Variants in THBS2 observed in about 807,000 individuals in gnomAD.
The protein encoded by THBS2 is thrombospondin-2.
A neutral mutation model predicts 135.2 loss-of-function variants in THBS2; 47 were observed. The ratio of observed to expected loss-of-function variants is 0.35; its 90% CI spans 0.28 to 0.44. The LOEUF is 0.44. Ranked by LOEUF, THBS2 falls within the 20% of genes least tolerant of loss-of-function variation. THBS2 has a pLI of 1.00. For synonymous variants in THBS2, 639 were observed against 633.8 expected, an observed-to-expected ratio of 1.01 and a Z score of -0.12; for missense variants, 1,288 against 1,603.1, an observed-to-expected ratio of 0.80 and a Z score of 3.36.
intron 17 of THBS2, among the ~76,000 whole-genome samples, chr6:169,224,496 T>G (rs1051216596): frequency 1.3e-5 from 2 of 151,870 alleles, no homozygotes; most frequent in African/African-American, 4.8e-5. Context: ...AGTCCTTATC[T>G]CCCTCTGTCA....
chr6:169,232,338 G>C (rs1779868696), intron 12 of THBS2, 140 bp from the exon 13 acceptor site: 2 of 957,916 alleles, frequency 2.1e-6, no homozygotes, highest in Non-Finnish European at 3.2e-6. Flanking sequence ...GGGCTTTCTG[G>C]ACACGCACTT....
intron 15 of THBS2, 23 bp downstream of exon 15, chr6:169,228,099 T>C (rs1583408250): frequency 1.3e-6 from 2 of 1,561,916 alleles, no homozygotes; most frequent in Non-Finnish European, 1.7e-6. Flanking sequence ...AGTGCACGCA[T>C]GGGAAGGAGC....
intron 2 of THBS2, 140 bp from the exon 3 acceptor site, chr6:169,249,113 T>C: frequency 1.2e-6 from 1 of 841,794 alleles, no homozygotes; most frequent in East Asian, 2.7e-5. Context: ...CTCCCTTTTT[T>C]ATGGGAATCC....
chr6:169,241,018 C>CTGCCG lies in THBS2; in HGVS notation c.892-427_892-426insCGGCA, dbSNP rs2115016131. Among the ~76,000 whole-genome samples the CTGCCG allele has an allele frequency of 1.3e-5, 2 of 148,978 alleles. No individual in the cohort carries two copies. Among genetic ancestry groups the CTGCCG allele is most frequent in the African/African-American group, 5.1e-5 (2 of 39,248 alleles). On this transcript the variant is annotated intron_variant, in intron 5 of 21. Coordinates refer to ENST00000617924, the MANE Select transcript of THBS2 (RefSeq NM_003247.5). The surrounding 1 kb of genome is among the most constrained non-coding windows in gnomAD (Gnocchi z 5.5). The stretch of plus-strand genomic sequence containing the variant: ...CCTGCCCCGGTCTCCTGCCATCGAC[C>CTGCCG]CCCTCCCTGCCCCAGGCTCCTGCCC...
intron 15 of THBS2, among the ~76,000 whole-genome samples, chr6:169,226,726 ATATCT>A (rs780891572): frequency 7.2e-5 from 11 of 152,254 alleles, no homozygotes; most frequent in Non-Finnish European, 1.5e-4. Context: ...TTTAGATGTC[ATATCT>A]TATCTTAAGA....
chr6:169,223,080 C>CCTGT (rs1404625318), intron 18 of THBS2, among the ~76,000 whole-genome samples, 168 bp downstream of exon 18: 7 of 152,110 alleles, frequency 4.6e-5, no homozygotes, highest in African/African-American at 7.2e-5. Flanking sequence ...GGTGCATGTA[C>CCTGT]CTGTCAAGGT....
Position 169,232,643 on chromosome 6 carries a change from AG to A in THBS2, c.1932+20del. 6.3e-7 allele frequency: 1 copy of A among 1,580,086 alleles called. No homozygotes were observed. The highest frequency in any genetic ancestry group is 1.4e-5 in the African/African-American group (1 of 73,816). On this transcript the variant is annotated intron_variant, in intron 12 of 21. Coordinates refer to ENST00000617924, the MANE Select transcript of THBS2 (RefSeq NM_003247.5). ...TTTCCAAAGCCGCTCGCAACACACAAGGAAGGCCGGCCTTGCGTACTTGCTT... is the reference window on the plus strand; with the variant it reads ...TTTCCAAAGCCGCTCGCAACACACAAGAAGGCCGGCCTTGCGTACTTGCTT...
intron 16 of THBS2, among the ~76,000 whole-genome samples, chr6:169,225,896 G>A (rs1779609436): frequency 6.6e-6 from 1 of 152,230 alleles, no homozygotes; most frequent in Non-Finnish European, 1.5e-5. Context: ...TTGGCCTGTG[G>A]CCACTGAGAT....
rs369303414 is a variant in THBS2, at chr6:169,239,623, C to T, written c.1105G>A (p.Glu369Lys). The T allele has an allele frequency of 6.7e-5, 108 of 1,603,858 alleles. No homozygotes were observed. Among genetic ancestry groups the T allele is most frequent in the Non-Finnish European group, 8.5e-5 (100 of 1,176,152 alleles). The part of the protein sequence containing the change: ...TCASPSFVEG[E>K]CCPSCLHSVD... ...CAGTGGAGGCAGGAAGGGCAGCATT[C>T]GCCTTCCACAAAGGATGGACTGGCG... The change falls in exon 7 of 22, where the codon GAA (glutamate) becomes AAA (lysine). Residue 369 changes from glutamate (E) to lysine (K), a missense_variant. Glu to Lys is a moderately conservative substitution (Grantham distance 56). Around this residue, in one of 2 missense-constraint regions of THBS2, gnomAD observed 874 missense variants for 1,156.1 expected, o/e 0.76. Transcript: ENST00000617924.
In THBS2 at chr6:169,241,491, T is replaced by C. The variant is rs998801670; in HGVS notation, c.891+271A>G. Among the ~76,000 whole-genome samples, 1 of 152,074 alleles carries C rather than the reference T, an allele frequency of 6.6e-6. No homozygotes were observed. The highest frequency in any genetic ancestry group is 1.5e-5 in the Non-Finnish European group (1 of 67,998). ...CCTACAGATTTACCAAGGAGGTAAA[T>C]TTCCCAAAATTAAGAATTTATTTTG... On this transcript the variant is annotated intron_variant, in intron 5 of 21. Transcript: ENST00000617924. The surrounding 1 kb of genome is among the most constrained non-coding windows in gnomAD (Gnocchi z 5.5).
chr6:169,219,693 A>T, intron 21 of THBS2: 2 of 471,784 alleles, frequency 4.2e-6, no homozygotes, highest in Non-Finnish European at 8.5e-6. Flanking sequence ...CCTGAGCCTT[A>T]TTTACTGCAT....
At position 169,226,367 on chromosome 6, in the gene THBS2, A is replaced by G. The variant is rs1284413749; in HGVS notation, c.2420-69T>C. The G allele has an allele frequency of 4.7e-6, 6 of 1,276,898 alleles. No individual in the cohort carries two copies. The Admixed American group carries it at 5.3e-5, about 11-fold the overall frequency. The allele number at this position is 1,276,898 out of a possible 1,614,324, so 79.1% of individuals were successfully genotyped here. On this transcript the variant is annotated intron_variant, in intron 15 of 21. Transcript: ENST00000617924. ...GGACAGGTGAGTTTAGAAAAAGCAC[A>G]TTGTTTTTCCTATCACACGAAATTG...
chr6:169,244,331 C>T (rs1780473084), intron 4 of THBS2, among the ~76,000 whole-genome samples: 1 of 151,804 alleles, frequency 6.6e-6, no homozygotes, highest in Non-Finnish European at 1.5e-5. Flanking sequence ...CACACACACA[C>T]ACACACACAC....
intron 2 of THBS2, among the ~76,000 whole-genome samples, chr6:169,250,522 T>G (rs1192959012): frequency 2.6e-5 from 4 of 152,226 alleles, no homozygotes; most frequent in Non-Finnish European, 5.9e-5. Context: ...TAGGTGGAAT[T>G]GCATTTTTCT....
At chr6:169,253,355 C>T (rs1037517946) in intron 1 of THBS2, among the ~76,000 whole-genome samples, 6 of 152,312 alleles carry the variant, frequency 3.9e-5, no homozygotes, top group African/African-American at 1.4e-4. Context: ...TCCTCAATAA[C>T]AAACTCTCAT....
At chr6:169,245,083 T>C (rs1388709502) in intron 4 of THBS2, among the ~76,000 whole-genome samples, 1 of 152,242 alleles carries the variant, frequency 6.6e-6, no homozygotes, top group African/African-American at 2.4e-5. Flanking sequence ...ACGCTTGTCA[T>C]AATTTGGAAT....
Position 169,234,911 on chromosome 6 carries a change from C to A in THBS2, c.1478-4G>T. On this transcript the variant is annotated splice_polypyrimidine_tract_variant and splice_region_variant and intron_variant, in intron 9 of 21. Coordinates refer to ENST00000617924, the MANE Select transcript of THBS2 (RefSeq NM_003247.5). ...CAGGGGCTCCAGCGGCCATCGACTG[C>A]GGGGAAAGCCAACCAGGGGGAGCTC... The A allele has an allele frequency of 2.5e-6, 4 of 1,582,462 alleles. No homozygotes were observed. Among genetic ancestry groups the A allele is most frequent in the African/African-American group, 2.7e-5 (2 of 72,962 alleles).
At position 169,234,846 on chromosome 6, in the gene THBS2, C is replaced by T. The variant is rs1204007032; in HGVS notation, c.1539G>A (p.Gly513=). ...TGCAGACCCGGGTGCGCTCCCGGAT[C>T]CCACCGGCACAGGTGACAGTGCAGG... ...WSACTVTCAG[G]IRERTRVCNS... is the part of the protein sequence containing the mutation. Residue 513 remains glycine, a synonymous_variant, in exon 10 of 22, where the codon GGG becomes GGA. Coordinates refer to ENST00000617924, the MANE Select transcript of THBS2 (RefSeq NM_003247.5). The T allele has an allele frequency of 6.2e-7, 1 of 1,613,136 alleles. No individual in the cohort carries two copies.
At chr6:169,251,486 T>G (rs1439787235) in intron 1 of THBS2, among the ~76,000 whole-genome samples, 1 of 152,134 alleles carries the variant, frequency 6.6e-6, no homozygotes, top group Non-Finnish European at 1.5e-5. Context: ...GGCCCCGAAG[T>G]CAGGAGATGT....
Sources: allele counts gnomAD v4.1 joint callset (sites outside exome capture counted in the v4.1 genomes callset), GRCh38; gene constraint gnomAD v4.1.1; regional missense constraint gnomAD v4.1.1; non-coding constraint Gnocchi (gnomAD v3.1); transcripts MANE v1.5; gene names NCBI Gene and HGNC (gene_info 2026-07-23, HGNC 2026-07-21).